GRM4: variants seen among roughly 807,000 people sequenced by gnomAD.
GRM4 encodes the protein glutamate metabotropic receptor 4, also known as metabotropic glutamate receptor 4.
Under a neutral mutation model 81.7 loss-of-function variants are expected in GRM4, and 28 were observed. The ratio of observed to expected loss-of-function variants is 0.34; its 90% CI spans 0.25 to 0.47. GRM4 has a LOEUF of 0.47. GRM4 is among the 20% of genes least tolerant of loss of function. The pLI, the probability that GRM4 is intolerant of heterozygous loss-of-function variation, is 1.00. For synonymous variants in GRM4, 488 were observed against 528.8 expected (o/e 0.92, Z 1.06); for missense variants, 948 against 1,290.0 (o/e 0.73, Z 4.06).
rs962528099 is a variant in GRM4, at chr6:34,111,890, AC to A, written c.520-19792del. Reference sequence around the variant, plus strand: ...GGGGGAGTGTGGCCAGACCAGACGCACCCCCACCTGTTCCATTTCCTGATTG... The same window carrying A: ...GGGGGAGTGTGGCCAGACCAGACGCACCCCACCTGTTCCATTTCCTGATTG... On this transcript the variant is annotated intron_variant, in intron 2 of 10. Transcript: ENST00000538487. The surrounding 1 kb of genome is among the most constrained non-coding windows in gnomAD (Gnocchi z 5.1). 4.0e-5 allele frequency among the ~76,000 whole-genome samples: 6 copies of A among 151,788 alleles called. No homozygotes were observed. The highest frequency in any genetic ancestry group is 2.6e-4 in the Admixed American group (4 of 15,248).
At chr6:34,073,788 TCCCACGGAGG>T (rs1189734554) in intron 3 of GRM4, among the ~76,000 whole-genome samples, 1 of 152,066 alleles carries the variant, frequency 6.6e-6, no homozygotes, top group East Asian at 1.9e-4. Flanking sequence ...CTGAATCCTT[TCCCACGGAGG>T]CCCTGCGAGG....
rs374593506 is a variant in GRM4, at chr6:34,120,231, T to C, written c.519+12747A>G. ...AGAAACCCATCTTTGAAGGAGACCCTCAGGCACCCCTCTCCAGCATGCACA... is the reference window on the plus strand; with the variant it reads ...AGAAACCCATCTTTGAAGGAGACCCCCAGGCACCCCTCTCCAGCATGCACA... On this transcript the variant is annotated intron_variant, in intron 2 of 10. Transcript: ENST00000538487. Among the ~76,000 whole-genome samples, 23 of 147,408 alleles carry C rather than the reference T, an allele frequency of 1.6e-4. No individual in the cohort carries two copies. The South Asian group carries it at 3.3e-3, about 21-fold the overall frequency.
At chr6:34,132,060 T>A (rs1052170733) in intron 2 of GRM4, among the ~76,000 whole-genome samples, 2 of 152,218 alleles carry the variant, frequency 1.3e-5, no homozygotes, top group African/African-American at 4.8e-5. Flanking sequence ...TTGTAATGTT[T>A]TTCTCTCTAC....
chr6:34,052,468 G>A (rs1054340506), intron 6 of GRM4, among the ~76,000 whole-genome samples: 7 of 152,186 alleles, frequency 4.6e-5, no homozygotes, highest in South Asian at 2.1e-4. Context: ...CCTCTTGGAC[G>A]GTCACCAGGC....
At chr6:34,134,467 T>G (rs562086476) in intron 1 of GRM4, among the ~76,000 whole-genome samples, 1 of 152,180 alleles carries the variant, frequency 6.6e-6, no homozygotes, top group South Asian at 2.1e-4. Context: ...GGCTGGGAGC[T>G]GCTCACTCTG....
chr6:34,148,888 C>T (rs1770993378), upstream of GRM4, among the ~76,000 whole-genome samples: 1 of 152,078 alleles, frequency 6.6e-6, no homozygotes, highest in Non-Finnish European at 1.5e-5. Flanking sequence ...TGATGCTGAC[C>T]CGCCCGTTCC....
intron 6 of GRM4, 173 bp downstream of exon 6, chr6:34,056,370 CT>C (rs1469218357): frequency 1.3e-5 from 8 of 610,216 alleles, no homozygotes; most frequent in Middle Eastern, 4.5e-4. Context: ...GGCCCCGCCC[CT>C]CAAGGCCCCG....
intron 2 of GRM4, among the ~76,000 whole-genome samples, chr6:34,124,363 T>C (rs746855100): frequency 8.5e-5 from 13 of 152,140 alleles, no homozygotes; most frequent in Admixed American, 4.6e-4. Flanking sequence ...CCACCAACCC[T>C]GCCTAGACTG....
intron 6 of GRM4, among the ~76,000 whole-genome samples, chr6:34,049,238 G>C (rs549169735): frequency 6.6e-6 from 1 of 152,028 alleles, no homozygotes; most frequent in Non-Finnish European, 1.5e-5. Context: ...TCGCCCCCCA[G>C]GTGGCTAAAT....
chr6:34,026,968 A>G lies in GRM4; in HGVS notation c.2689+1152T>C, dbSNP rs73747203. Among the ~76,000 whole-genome samples, 640 of 152,248 alleles carry G rather than the reference A, an allele frequency of 4.2e-3. 3 individuals carry two copies. The highest frequency in any genetic ancestry group is 0.013 in the African/African-American group (555 of 41,540). On this transcript the variant is annotated intron_variant, in intron 10 of 10. Coordinates refer to ENST00000538487, the MANE Select transcript of GRM4 (RefSeq NM_000841.4). ...AACTGGAACAGGGAGAGGGTCCCCA[A>G]TTTGGCAGAAAGGCCTGGTCAGGAC...
At chr6:34,045,134 C>A (rs9469690) in intron 6 of GRM4, among the ~76,000 whole-genome samples, 39,704 of 152,080 alleles carry the variant, frequency 0.26, 6,121 homozygotes, top group African/African-American at 0.43. Context: ...ACTCCCCTGG[C>A]GGGGTAGCGG....
intron 2 of GRM4, chr6:34,110,734 C>T: frequency 6.6e-7 from 1 of 1,505,800 alleles, no homozygotes; most frequent in Non-Finnish European, 8.8e-7. Flanking sequence ...GGGCTGGTAG[C>T]ACCTGCAGCC....
intron 6 of GRM4, among the ~76,000 whole-genome samples, chr6:34,052,622 GTGAGC>G (rs1211641671): frequency 6.6e-6 from 1 of 152,240 alleles, no homozygotes; most frequent in Non-Finnish European, 1.5e-5. Flanking sequence ...AGAGAACAGA[GTGAGC>G]TGATCCTAAA....
intron 6 of GRM4, among the ~76,000 whole-genome samples, chr6:34,049,694 C>T (rs1323497006): frequency 6.6e-6 from 1 of 152,166 alleles, no homozygotes; most frequent in Non-Finnish European, 1.5e-5. Context: ...TCATCCATCT[C>T]CTTGTTCCAG....
In GRM4 at chr6:34,085,006, C is replaced by T. The variant is rs147498057; in HGVS notation, c.736+6877G>A. 5.3e-3 allele frequency among the ~76,000 whole-genome samples: 814 copies of T among 152,320 alleles called. 6 individuals are homozygous for T. Among genetic ancestry groups the T allele is most frequent in the African/African-American group, 0.019 (776 of 41,568 alleles). On this transcript the variant is annotated intron_variant, in intron 3 of 10. Transcript: ENST00000538487. ...AGGGCAGGTGCTAGGGCTGGCTGTGCATGGCTCCTCTCATGCCCACCAAAA... is the reference window on the plus strand; with the variant it reads ...AGGGCAGGTGCTAGGGCTGGCTGTGTATGGCTCCTCTCATGCCCACCAAAA...
At chr6:34,135,133 G>A (rs1038401508) in intron 1 of GRM4, among the ~76,000 whole-genome samples, 2 of 152,162 alleles carry the variant, frequency 1.3e-5, no homozygotes, top group African/African-American at 4.8e-5. Flanking sequence ...TTGGGATTGC[G>A]AGGCTTCCCC....
rs1766370324 is a variant in GRM4, at chr6:34,064,771, G to A, written c.737-2743C>T. Reference sequence around the variant, plus strand: ...CAGCCAGAGAAGACCAGAGCGGCCCGAGAGGCCACTGAGCACCCCCTGCAT... The same window carrying A: ...CAGCCAGAGAAGACCAGAGCGGCCCAAGAGGCCACTGAGCACCCCCTGCAT... On this transcript the variant is annotated intron_variant, in intron 3 of 10. Coordinates refer to ENST00000538487, the MANE Select transcript of GRM4 (RefSeq NM_000841.4). This position sits in a 1 kb window ranked among gnomAD's most constrained non-coding sequence, Gnocchi z 4.4. 6.6e-6 allele frequency among the ~76,000 whole-genome samples: 1 copy of A among 152,294 alleles called. No individual in the cohort carries two copies. The highest frequency in any genetic ancestry group is 1.9e-4 in the East Asian group (1 of 5,188).
chr6:34,119,401 G>C (rs796457631), intron 2 of GRM4, among the ~76,000 whole-genome samples: 2 of 107,060 alleles, frequency 1.9e-5, no homozygotes, highest in Non-Finnish European at 3.9e-5. Flanking sequence ...ATGAAAGAAA[G>C]AAAGAGAGAG....
chr6:34,147,583 G>A (rs1302886436), upstream of GRM4, among the ~76,000 whole-genome samples: 1 of 152,226 alleles, frequency 6.6e-6, no homozygotes, highest in Non-Finnish European at 1.5e-5. Context: ...AAGCAGAACT[G>A]CAGGTATGGG....
Sources: gnomAD v4.1 joint callset for allele counts (sites outside exome capture counted in the v4.1 genomes callset) on GRCh38, gnomAD v4.1.1 for gene constraint, Gnocchi (gnomAD v3.1) non-coding constraint, MANE v1.5 for transcripts, NCBI Gene and HGNC (gene_info 2026-07-23, HGNC 2026-07-21) for gene names.